FGF13: variants seen among roughly 807,000 people sequenced by gnomAD.
The protein encoded by FGF13 is fibroblast growth factor homologous factor 2.
In FGF13, 2 loss-of-function variants were observed where a neutral mutation model predicts 19.5. That is an observed-to-expected ratio of 0.10 (90% CI 0.04 to 0.32). The LOEUF is 0.32. Among genes scored for constraint, FGF13 ranks in the 10% least tolerant of loss-of-function variants. The probability of loss-of-function intolerance (pLI) is 1.00; values close to 1 mark genes in which losing one functional copy is unlikely to be tolerated. For synonymous variants in FGF13, 72 were observed against 76.9 expected (o/e 0.94, Z 0.33); for missense variants, 113 against 192.7 (o/e 0.59, Z 2.45).
intron 1 of FGF13, among the ~76,000 whole-genome samples, chrX:139,020,558 A>T (rs761434339): frequency 9.0e-6 from 1 of 111,434 alleles, no homozygotes; most frequent in African/African-American, 3.3e-5. Context: ...TACCTGCCCT[A>T]GTACCTTTGC....
intron 1 of FGF13, among the ~76,000 whole-genome samples, chrX:139,037,384 A>G (rs6528588): frequency 0.035 from 3,932 of 110,898 alleles, 172 homozygotes; most frequent in African/African-American, 0.12. Flanking sequence ...AACAGTATAG[A>G]ATTAGAAAGC....
intron 3 of FGF13, among the ~76,000 whole-genome samples, chrX:138,745,749 G>T: frequency 9.0e-6 from 1 of 111,582 alleles, no homozygotes; most frequent in East Asian, 2.8e-4. Context: ...TCCCATTATG[G>T]ATTAGGCCTG....
At chrX:138,996,008 G>A (rs1488609764) in intron 1 of FGF13, among the ~76,000 whole-genome samples, 7 of 111,858 alleles carry the variant, frequency 6.3e-5, no homozygotes, top group Non-Finnish European at 9.4e-5. Context: ...ACCAGGGTAA[G>A]CTAAAGTGTA....
At chrX:138,867,911 C>T (rs1176580110) in intron 1 of FGF13, among the ~76,000 whole-genome samples, 1 of 110,698 alleles carries the variant, frequency 9.0e-6, no homozygotes, top group South Asian at 3.9e-4. Flanking sequence ...ACTCCCACCA[C>T]GCACAAAAAA....
chrX:138,958,043 C>G (rs2124298539), intron 1 of FGF13, among the ~76,000 whole-genome samples: 1 of 111,841 alleles, frequency 8.9e-6, no homozygotes, highest in Admixed American at 9.5e-5. Context: ...ATTGCCCTGG[C>G]CAGAACTTCC....
intron 1 of FGF13, among the ~76,000 whole-genome samples, chrX:138,899,978 A>T (rs1405621656): frequency 9.0e-6 from 1 of 111,133 alleles, no homozygotes; most frequent in Non-Finnish European, 1.9e-5. Flanking sequence ...GTATATGTGC[A>T]TATGCCCTGG....
At chrX:139,104,634 C>T (rs73566180) in intron 1 of FGF13, among the ~76,000 whole-genome samples, 1,450 of 111,686 alleles carry the variant, frequency 0.013, 30 homozygotes, top group African/African-American at 0.044. Context: ...GTATTTCGCA[C>T]AGTTCTGGAG....
At chrX:138,978,405 GGC>G (rs2091949491) in intron 1 of FGF13, among the ~76,000 whole-genome samples, 1 of 109,385 alleles carries the variant, frequency 9.1e-6, no homozygotes, top group South Asian at 4.0e-4. Context: ...TGGGATCACA[GGC>G]GCCCTCCACC....
intron 1 of FGF13, among the ~76,000 whole-genome samples, chrX:138,904,337 T>C (rs774664530): frequency 1.8e-5 from 2 of 111,432 alleles, no homozygotes; most frequent in Non-Finnish European, 1.9e-5. Flanking sequence ...ATCTTTTAAA[T>C]GAAATGTAGT....
chrX:138,667,698 G>T (rs1206870740), intron 3 of FGF13: 2 of 368,061 alleles, frequency 5.4e-6, no homozygotes, highest in Non-Finnish European at 1.1e-5. Flanking sequence ...TTTGCCATAC[G>T]GTGGTAGTCT....
At chrX:138,931,458 G>A (rs1216339630) in intron 1 of FGF13, among the ~76,000 whole-genome samples, 1 of 111,844 alleles carries the variant, frequency 8.9e-6, no homozygotes, top group African/African-American at 3.3e-5. Context: ...AGGGAGCTGA[G>A]AGTCTAAGCA....
chrX:138,927,043 A>C (rs1282670238), intron 1 of FGF13, among the ~76,000 whole-genome samples: 1 of 111,666 alleles, frequency 9.0e-6, no homozygotes, highest in Non-Finnish European at 1.9e-5. Context: ...ACCTCTTAGA[A>C]AGCCAAGATG....
chrX:139,202,875 T>A (rs2084426647), intron 1 of FGF13, among the ~76,000 whole-genome samples: 1 of 111,362 alleles, frequency 9.0e-6, no homozygotes, highest in Non-Finnish European at 1.9e-5. Context: ...GGACTCGGCG[T>A]GGGTCGCTGC....
At chrX:138,691,308 T>C (rs2089836615) in intron 3 of FGF13, among the ~76,000 whole-genome samples, 1 of 111,890 alleles carries the variant, frequency 8.9e-6, no homozygotes, top group African/African-American at 3.2e-5. Flanking sequence ...TTTTAAGAAG[T>C]CTTTAATCAG....
intron 1 of FGF13, among the ~76,000 whole-genome samples, chrX:139,104,323 G>T (rs2083541259): frequency 9.1e-6 from 1 of 109,949 alleles, no homozygotes; most frequent in Non-Finnish European, 1.9e-5. Flanking sequence ...CATATTAGCT[G>T]ATGGAACTTC....
At chrX:138,947,806 G>C (rs904219961) in intron 1 of FGF13, among the ~76,000 whole-genome samples, 1 of 111,760 alleles carries the variant, frequency 8.9e-6, no homozygotes, top group African/African-American at 3.3e-5. Context: ...GACTGTATTT[G>C]GAGATAGGCC....
intron 3 of FGF13, among the ~76,000 whole-genome samples, chrX:138,800,025 C>G (rs1001200801): frequency 9.0e-6 from 1 of 111,668 alleles, no homozygotes; most frequent in African/African-American, 3.3e-5. Flanking sequence ...GACTCTTTAT[C>G]CAATTTGCGA....
intron 1 of FGF13, among the ~76,000 whole-genome samples, chrX:139,030,722 T>A (rs1238219305): frequency 1.8e-5 from 2 of 111,815 alleles, no homozygotes; most frequent in African/African-American, 6.5e-5. Flanking sequence ...TTCTCCAACA[T>A]GGTGGAGTAC....
chrX:138,780,798 C>G (rs980201436), intron 3 of FGF13, among the ~76,000 whole-genome samples: 1 of 110,941 alleles, frequency 9.0e-6, no homozygotes, highest in Admixed American at 9.6e-5. Context: ...TTGAACTCAC[C>G]TCTGCACCAA....
Sources: gnomAD v4.1 joint callset for allele counts (sites outside exome capture counted in the v4.1 genomes callset) on GRCh38, gnomAD v4.1.1 for gene constraint, MANE v1.5 for transcripts, NCBI Gene and HGNC (gene_info 2026-07-23, HGNC 2026-07-21) for gene names.